The following ANKRD36 variants were observed in gnomAD, a reference collection of about 807,000 sequenced individuals.
ANKRD36 encodes ankyrin repeat domain-containing protein 36A.
ANKRD36 carries 179 observed loss-of-function variants against 278.1 expected under a neutral mutation model. The observed-to-expected ratio is 0.64, with a 90% CI of 0.57 to 0.73. ANKRD36 has a LOEUF of 0.73. ANKRD36 is among the 30% of genes least tolerant of loss of function. The pLI, the probability that ANKRD36 is intolerant of heterozygous loss-of-function variation, is 0.00. For missense variants in ANKRD36, 1,159 were observed against 1,956.7 expected (o/e 0.59, Z 7.69); for synonymous variants, 320 against 641.1 (o/e 0.50, Z 7.57).
At chr2:97,150,703 C>T (rs1238853149) in intron 12 of ANKRD36, among the ~76,000 whole-genome samples, 7 of 148,616 alleles carry the variant, frequency 4.7e-5, no homozygotes, top group Admixed American at 4.7e-4. Flanking sequence ...TGGATACAGC[C>T]TAATATCTTC....
Position 97,202,242 on chromosome 2 carries a change from C to A in ANKRD36, c.2886+12C>A, listed in dbSNP as rs372077655. 3.8e-6 allele frequency: 6 copies of A among 1,595,268 alleles called. No homozygotes were observed. The highest frequency in any genetic ancestry group is 4.6e-5 in the East Asian group (2 of 43,940). The stretch of plus-strand genomic sequence containing the variant: ...CACCAGCCTTGAAGGTAATGAAACT[C>A]CCATTTATCTTGTGAACGAGTTAAT... On this transcript the variant is annotated intron_variant, in intron 47 of 75. Transcript: ENST00000420699.
chr2:97,181,901 A>C (rs1575453711), intron 26 of ANKRD36, 108 bp downstream of exon 26: 1 of 1,214,246 alleles, frequency 8.2e-7, no homozygotes, highest in East Asian at 2.5e-5. Flanking sequence ...ATTCTGATTC[A>C]GCAGGCCTGA....
intron 67 of ANKRD36, among the ~76,000 whole-genome samples, chr2:97,229,752 G>T (rs1469195834): frequency 7.2e-5 from 11 of 151,932 alleles, no homozygotes; most frequent in East Asian, 2.0e-4. Context: ...TTATATTTTG[G>T]CATGATTTTG....
In ANKRD36 at chr2:97,122,970, A is replaced by G; in HGVS notation, c.570A>G (p.Val190=). 1 of 1,543,410 alleles carries G rather than the reference A, an allele frequency of 6.5e-7. No individual in the cohort carries two copies. Among genetic ancestry groups the G allele is most frequent in the Non-Finnish European group, 8.8e-7 (1 of 1,142,000 alleles). Residue 190 remains valine, a synonymous_variant, in exon 4 of 76, where the codon GTA becomes GTG. Coordinates refer to ENST00000420699, the MANE Select transcript of ANKRD36 (RefSeq NM_001354587.1). ...TTTTATTAAAGAAAAAAGCAAATGT[A>G]AATGCCATTGATTATCTTGGCAGGT... ...VEFLLKKKAN[V]NAIDYLGRSA... is the part of the protein sequence containing the mutation.
chr2:97,199,907 G>A (rs1052635009), intron 44 of ANKRD36, among the ~76,000 whole-genome samples: 18 of 152,016 alleles, frequency 1.2e-4, no homozygotes, highest in African/African-American at 4.3e-4. Flanking sequence ...AAGTTAAAGA[G>A]CATGATGAAT....
At chr2:97,216,816 G>A (rs1377997756) in intron 62 of ANKRD36, 14 of 511,442 alleles carry the variant, frequency 2.7e-5, no homozygotes, top group Non-Finnish European at 4.8e-5. Flanking sequence ...AGACCTGTGG[G>A]ATCAAGTACC....
intron 32 of ANKRD36, among the ~76,000 whole-genome samples, chr2:97,188,224 A>T (rs2057834210): frequency 6.6e-6 from 1 of 151,794 alleles, no homozygotes; most frequent in African/African-American, 2.4e-5. Context: ...CTAACATGAT[A>T]CTCCCAAGAA....
chr2:97,209,667 C>G lies in ANKRD36; in HGVS notation c.3266-14C>G, dbSNP rs1490577723. On this transcript the variant is annotated splice_polypyrimidine_tract_variant and intron_variant, in intron 54 of 75. Transcript: ENST00000420699. Reference sequence around the variant, plus strand: ...TTTACATGTGAGTGATTATGTATCCCTTTTGCTTTTCAGTGTCTTCTCGGA... The same window carrying G: ...TTTACATGTGAGTGATTATGTATCCGTTTTGCTTTTCAGTGTCTTCTCGGA... 1 of 1,584,484 alleles carries G rather than the reference C, an allele frequency of 6.3e-7. No homozygotes were observed. The highest frequency in any genetic ancestry group is 8.6e-7 in the Non-Finnish European group (1 of 1,167,126).
rs2034108026 is a variant in ANKRD36 at position 97,113,400 on chromosome 2, G to A, written c.-340G>A. The A allele has an allele frequency of 3.0e-6, 1 of 336,394 alleles. No homozygotes were observed. The highest frequency in any genetic ancestry group is 5.4e-6 in the Non-Finnish European group (1 of 184,182). 20.8% of individuals were successfully genotyped at this position (336,394 alleles called of 1,614,324 possible). On this transcript the variant is annotated 5_prime_UTR_variant, in exon 1 of 76. Coordinates refer to ENST00000420699, the MANE Select transcript of ANKRD36 (RefSeq NM_001354587.1). ...GAGCCTGTGGAAGAGAAGAGCGCGC[G>A]GGCGACAGTTAAACAGGCCCTGGGG...
At chr2:97,235,461 C>T (rs966577589) in intron 68 of ANKRD36, among the ~76,000 whole-genome samples, 7 of 142,450 alleles carry the variant, frequency 4.9e-5, no homozygotes, top group African/African-American at 1.3e-4. Flanking sequence ...TAAGTCAAAC[C>T]ACCTTAAGTT....
At chr2:97,192,735 A>G in intron 36 of ANKRD36, 123 bp from the exon 37 acceptor site, 1 of 1,337,130 alleles carries the variant, frequency 7.5e-7, no homozygotes, top group Non-Finnish European at 1.0e-6. Context: ...CTAAAAGTAG[A>G]AGCCATCAAA....
At chr2:97,210,012 C>T (rs1195321469) in intron 56 of ANKRD36, 140 bp downstream of exon 56, 4 of 1,359,898 alleles carry the variant, frequency 2.9e-6, no homozygotes, top group East Asian at 5.3e-5. Context: ...CAAATAAGTT[C>T]TTGTGTGGTG....
chr2:97,137,594 C>T lies in ANKRD36; in HGVS notation c.800-5046C>T, dbSNP rs7421073. On this transcript the variant is annotated intron_variant, in intron 6 of 75. Transcript: ENST00000420699. ...AAGCCACTGTACATATATATATATA[C>T]ACACACACACACACCGAGTATATGC... is the stretch of plus-strand genomic sequence containing the variant. 0.018 allele frequency among the ~76,000 whole-genome samples: 595 copies of T among 32,354 alleles called. 29 individuals carry two copies. The East Asian group carries it at 0.23, about 12-fold the overall frequency. 21.2% of individuals were successfully genotyped at this position (32,354 alleles called of 152,430 possible). A position where few individuals can be genotyped will look rare whatever the true frequency, so the allele number is the denominator to read the frequency against.
intron 44 of ANKRD36, among the ~76,000 whole-genome samples, chr2:97,200,006 C>T (rs1177670890): frequency 9.9e-5 from 15 of 151,974 alleles, no homozygotes; most frequent in Middle Eastern, 3.4e-3. Flanking sequence ...TTGATTCTCA[C>T]GTATATGAGT....
At chr2:97,130,201 G>T (rs1006561198) in intron 6 of ANKRD36, among the ~76,000 whole-genome samples, 51 of 151,830 alleles carry the variant, frequency 3.4e-4, no homozygotes, top group Non-Finnish European at 8.8e-5. Flanking sequence ...CAACCCAAAT[G>T]TCCAACACTG....
chr2:97,173,421 G>A (rs2053236043), intron 22 of ANKRD36, among the ~76,000 whole-genome samples: 1 of 151,818 alleles, frequency 6.6e-6, no homozygotes, highest in Non-Finnish European at 1.5e-5. Context: ...GAACAGCTGT[G>A]AAAGAGTGTC....
At chr2:97,210,134 G>T (rs1216852228) in intron 56 of ANKRD36, among the ~76,000 whole-genome samples, 1 of 151,810 alleles carries the variant, frequency 6.6e-6, no homozygotes, top group Non-Finnish European at 1.5e-5. Context: ...GGGCTCTGGG[G>T]AACAACATAA....
At chr2:97,174,697 T>C (rs2053710114) in intron 22 of ANKRD36, among the ~76,000 whole-genome samples, 1 of 151,834 alleles carries the variant, frequency 6.6e-6, no homozygotes, top group African/African-American at 2.4e-5. Context: ...CATCCCTGTC[T>C]TGTGCCAGTT....
chr2:97,135,320 C>T (rs867752978), intron 6 of ANKRD36, among the ~76,000 whole-genome samples: 10 of 151,302 alleles, frequency 6.6e-5, no homozygotes, highest in African/African-American at 1.7e-4. Context: ...TCTATGTGTA[C>T]AATAATTTTT....
Sources: gnomAD v4.1 joint callset for allele counts (sites outside exome capture counted in the v4.1 genomes callset) on GRCh38, gnomAD v4.1.1 for gene constraint, MANE v1.5 for transcripts, NCBI Gene and HGNC (gene_info 2026-07-23, HGNC 2026-07-21) for gene names.